PARD3B: variants seen among roughly 807,000 people sequenced by gnomAD.
The protein encoded by PARD3B is par-3 family cell polarity regulator beta.
PARD3B carries 103 observed loss-of-function variants against 130.2 expected under a neutral mutation model. The ratio of observed to expected loss-of-function variants is 0.79; its 90% CI spans 0.67 to 0.93. PARD3B has a LOEUF of 0.93. PARD3B is among the 40% of genes least tolerant of loss of function. PARD3B has a pLI of 0.00. For missense variants in PARD3B, 1,609 were observed against 1,499.2 expected, an observed-to-expected ratio of 1.07 and a Z score of -1.21; for synonymous variants, 583 against 553.2, an observed-to-expected ratio of 1.05 and a Z score of -0.76.
At chr2:204,647,759 G>GT (rs1248424816) in intron 1 of PARD3B, among the ~76,000 whole-genome samples, 1 of 151,750 alleles carries the variant, frequency 6.6e-6, no homozygotes, top group Non-Finnish European at 1.5e-5. Flanking sequence ...GCTAAATTAA[G>GT]TTTTTTGGAG....
intron 20 of PARD3B, among the ~76,000 whole-genome samples, chr2:205,495,232 C>T (rs1025263635): frequency 2.0e-5 from 3 of 152,166 alleles, no homozygotes; most frequent in Admixed American, 1.3e-4. Context: ...AATGATACAT[C>T]TGCCTTTAAA....
chr2:205,377,800 C>T lies in PARD3B; in HGVS notation c.2631-23213C>T, dbSNP rs368665982. 2.9e-4 allele frequency among the ~76,000 whole-genome samples: 33 copies of T among 114,298 alleles called. No individual in the cohort carries two copies. The East Asian group carries it at 4.0e-3, about 14-fold the overall frequency. 75.0% of individuals were successfully genotyped at this position (114,298 alleles called of 152,430 possible). On this transcript the variant is annotated intron_variant, in intron 18 of 22. Coordinates refer to ENST00000406610, the MANE Select transcript of PARD3B (RefSeq NM_001302769.2). The stretch of plus-strand genomic sequence containing the variant: ...TTTTTTTTTTTTTGAGACAGGGTTT[C>T]GCTCTTGTTCCCCAGGCTGGAGTGC...
chr2:204,629,953 A>G (rs915602565), intron 1 of PARD3B, among the ~76,000 whole-genome samples: 4 of 152,220 alleles, frequency 2.6e-5, no homozygotes, highest in Non-Finnish European at 5.9e-5. Flanking sequence ...GCAGCATTAC[A>G]TAAAGTAAGA....
chr2:204,560,532 G>A (rs187474134), intron 1 of PARD3B, among the ~76,000 whole-genome samples: 113 of 152,024 alleles, frequency 7.4e-4, no homozygotes, highest in African/African-American at 2.5e-3. Context: ...AAGGATGCAT[G>A]GACAGTTGCC....
At chr2:204,557,826 T>A (rs951919323) in intron 1 of PARD3B, among the ~76,000 whole-genome samples, 31 of 152,362 alleles carry the variant, frequency 2.0e-4, no homozygotes, top group Non-Finnish European at 2.4e-4. Context: ...GTTGACTTGC[T>A]TCTTAGATTT....
chr2:205,087,720 C>G (rs538059528), intron 4 of PARD3B, among the ~76,000 whole-genome samples: 1 of 152,104 alleles, frequency 6.6e-6, no homozygotes, highest in East Asian at 1.9e-4. Flanking sequence ...GGCAATCAAC[C>G]TGGGATGAAT....
At chr2:205,586,011 G>T (rs528561897) in intron 22 of PARD3B, among the ~76,000 whole-genome samples, 1 of 152,258 alleles carries the variant, frequency 6.6e-6, no homozygotes, top group East Asian at 1.9e-4. Flanking sequence ...AGCTTGACTT[G>T]GTTTTTCCAG....
intron 2 of PARD3B, among the ~76,000 whole-genome samples, chr2:204,712,460 AATT>A (rs2038493866): frequency 6.6e-6 from 1 of 151,774 alleles, no homozygotes; most frequent in East Asian, 1.9e-4. Context: ...AAAATACAAA[AATT>A]ATCCGGGTGT....
intron 11 of PARD3B, among the ~76,000 whole-genome samples, chr2:205,159,707 C>T (rs1290062536): frequency 1.3e-5 from 2 of 152,086 alleles, no homozygotes; most frequent in Non-Finnish European, 2.9e-5. Flanking sequence ...CACCTCTTGC[C>T]ACCCTCATTA....
intron 21 of PARD3B, among the ~76,000 whole-genome samples, chr2:205,513,638 A>G (rs1575211742): frequency 1.3e-5 from 2 of 152,244 alleles, no homozygotes; most frequent in South Asian, 2.1e-4. Context: ...ATTGGAGAAC[A>G]GAATTTCAAA....
At chr2:204,946,792 G>T (rs897836120) in intron 2 of PARD3B, among the ~76,000 whole-genome samples, 1 of 152,180 alleles carries the variant, frequency 6.6e-6, no homozygotes, top group Admixed American at 6.5e-5. Flanking sequence ...GTCCTGGTCA[G>T]ATAGCCTGAG....
chr2:205,435,980 C>G (rs1234540120), intron 19 of PARD3B, among the ~76,000 whole-genome samples: 2 of 152,066 alleles, frequency 1.3e-5, no homozygotes, highest in Non-Finnish European at 2.9e-5. Context: ...AATTTATTTT[C>G]TCATAGTTCA....
At chr2:204,996,964 G>A (rs1360264580) in intron 3 of PARD3B, among the ~76,000 whole-genome samples, 8 of 151,242 alleles carry the variant, frequency 5.3e-5, no homozygotes, top group South Asian at 2.1e-4. Flanking sequence ...GCACACACTG[G>A]CCTGCGCCCA....
Position 205,160,920 on chromosome 2 carries a change from C to T in PARD3B, c.1620+2013C>T, listed in dbSNP as rs546499622. Among the ~76,000 whole-genome samples the T allele has an allele frequency of 6.6e-6, 1 of 152,284 alleles. No individual in the cohort carries two copies. Among genetic ancestry groups the T allele is most frequent in the African/African-American group, 2.4e-5 (1 of 41,570 alleles). On this transcript the variant is annotated intron_variant, in intron 11 of 22. Coordinates refer to ENST00000406610, the MANE Select transcript of PARD3B (RefSeq NM_001302769.2). This position sits in a 1 kb window ranked among gnomAD's most constrained non-coding sequence, Gnocchi z 4.0. ...ATGCTGCACTGAAATGAAGCTCTTC[C>T]ATATGATCCATTCATGTTCCTAGAG... is the stretch of plus-strand genomic sequence containing the variant.
intron 1 of PARD3B, among the ~76,000 whole-genome samples, chr2:204,586,794 G>A (rs75716156): frequency 2.9e-4 from 44 of 152,218 alleles, no homozygotes; most frequent in Middle Eastern, 3.4e-3. Context: ...AACATAGTAC[G>A]TGAAATATTA....
At chr2:205,162,504 T>C (rs1204292794) in intron 11 of PARD3B, among the ~76,000 whole-genome samples, 1 of 152,278 alleles carries the variant, frequency 6.6e-6, no homozygotes, top group East Asian at 1.9e-4. Flanking sequence ...TGTGGTTTCA[T>C]TTAGTTACTG....
At chr2:204,660,272 A>G (rs74776732) in intron 1 of PARD3B, among the ~76,000 whole-genome samples, 2 of 152,226 alleles carry the variant, frequency 1.3e-5, no homozygotes, top group South Asian at 4.2e-4. Flanking sequence ...AACCATGTTT[A>G]TTATTGCAAT....
At chr2:204,783,577 G>A (rs909214447) in intron 2 of PARD3B, among the ~76,000 whole-genome samples, 2 of 152,070 alleles carry the variant, frequency 1.3e-5, no homozygotes, top group African/African-American at 4.8e-5. Context: ...ATAGATTGGT[G>A]CAAAAGTAAT....
intron 2 of PARD3B, among the ~76,000 whole-genome samples, chr2:204,687,275 A>T (rs1574706406): frequency 1.3e-5 from 2 of 152,030 alleles, no homozygotes; most frequent in African/African-American, 4.8e-5. Flanking sequence ...TTATACATTT[A>T]CTTTTCATAT....
Sources: allele counts gnomAD v4.1 joint callset (sites outside exome capture counted in the v4.1 genomes callset), GRCh38; gene constraint gnomAD v4.1.1; non-coding constraint Gnocchi (gnomAD v3.1); transcripts MANE v1.5; gene names NCBI Gene and HGNC (gene_info 2026-07-23, HGNC 2026-07-21).